CSMD2: variants seen among roughly 807,000 people sequenced by gnomAD.
The protein encoded by CSMD2 is CUB and sushi domain-containing protein 2.
A neutral mutation model predicts 398.5 loss-of-function variants in CSMD2; 130 were observed. The ratio of observed to expected loss-of-function variants is 0.33; its 90% CI spans 0.28 to 0.38. CSMD2 has a LOEUF of 0.38. Ranked by LOEUF, CSMD2 falls within the 10% of genes least tolerant of loss-of-function variation. The probability of loss-of-function intolerance (pLI) is 1.00; values close to 1 mark genes in which losing one functional copy is unlikely to be tolerated. For missense variants in CSMD2, 3,829 were observed against 4,764.9 expected, an observed-to-expected ratio of 0.80 and a Z score of 5.78; for synonymous variants, 1,828 against 1,908.5, an observed-to-expected ratio of 0.96 and a Z score of 1.10.
rs140182604 is a variant in CSMD2, at chr1:33,714,633, C to A, written c.3360G>T (p.Leu1120=). Residue 1120 remains leucine, a synonymous_variant, in exon 21 of 71, where the codon CTG becomes CTT. Coordinates refer to ENST00000373381, the MANE Select transcript of CSMD2 (RefSeq NM_001281956.2). ...AGCTCCACAGGCGCCGTCTGCCCCC[C>A]AGGCACGTGATGCGGGCGGTGCCCT... ...RLEGTARITC[L]GGRRRLWSSP... 1.2e-6 allele frequency: 2 copies of A among 1,613,870 alleles called. No individual in the cohort carries two copies. Among genetic ancestry groups the A allele is most frequent in the Non-Finnish European group, 1.7e-6 (2 of 1,180,044 alleles).
At chr1:33,685,846 A>T (rs529237223) in intron 25 of CSMD2, among the ~76,000 whole-genome samples, 3 of 151,972 alleles carry the variant, frequency 2.0e-5, no homozygotes, top group Non-Finnish European at 4.4e-5. Context: ...TAGAATGTGA[A>T]CTCTTGGCAG....
At chr1:33,930,888 C>A (rs72894825) in intron 4 of CSMD2, among the ~76,000 whole-genome samples, 4 of 152,204 alleles carry the variant, frequency 2.6e-5, no homozygotes, top group African/African-American at 7.2e-5. Context: ...CTGGCTCCCC[C>A]CTATTCCCAG....
At chr1:33,686,371 T>C (rs1645062967) in intron 25 of CSMD2, among the ~76,000 whole-genome samples, 1 of 152,234 alleles carries the variant, frequency 6.6e-6, no homozygotes, top group Non-Finnish European at 1.5e-5. Flanking sequence ...GAGCAGCTCA[T>C]GGGTCTGCCC....
At chr1:33,572,783 T>G (rs879052222) in intron 49 of CSMD2, 92 bp from the exon 50 acceptor site, 9 of 1,032,854 alleles carry the variant, frequency 8.7e-6, no homozygotes, top group Non-Finnish European at 1.2e-5. Context: ...AAGGTCCTTT[T>G]ATTAGTAAAA....
At chr1:33,620,826 T>C (rs1451938388) in intron 37 of CSMD2, among the ~76,000 whole-genome samples, 1 of 149,636 alleles carries the variant, frequency 6.7e-6, no homozygotes, top group East Asian at 2.0e-4. Context: ...TTTTTTTTTT[T>C]TTTTCCAGGT....
At chr1:33,882,475 A>G (rs12094643) in intron 5 of CSMD2, among the ~76,000 whole-genome samples, 19,910 of 152,252 alleles carry the variant, frequency 0.13, 1,958 homozygotes, top group African/African-American at 0.28. Context: ...GAAATGAAAC[A>G]TATCTACCTT....
intron 21 of CSMD2, 43 bp from the exon 22 acceptor site, chr1:33,709,301 C>G (rs751300153): frequency 1.2e-5 from 19 of 1,558,474 alleles, no homozygotes; most frequent in Non-Finnish European, 1.7e-5. Context: ...CCCCCATCAG[C>G]TGCATCCAGA....
chr1:33,920,602 A>G (rs556970012), intron 4 of CSMD2, among the ~76,000 whole-genome samples: 1 of 150,340 alleles, frequency 6.7e-6, no homozygotes, highest in East Asian at 2.0e-4. Context: ...AGAAGGAGGA[A>G]AGTGGCAGGG....
At chr1:33,654,077 C>G (rs1047520696) in intron 27 of CSMD2, among the ~76,000 whole-genome samples, 8 of 152,102 alleles carry the variant, frequency 5.3e-5, no homozygotes, top group Non-Finnish European at 1.0e-4. Context: ...CAGGTCAGGC[C>G]ATAAGAGCCC....
At chr1:33,886,735 C>T (rs1487583831) in intron 5 of CSMD2, among the ~76,000 whole-genome samples, 1 of 152,230 alleles carries the variant, frequency 6.6e-6, no homozygotes, top group African/African-American at 2.4e-5. Context: ...CCTTGGCAGA[C>T]AGGCCTCGGC....
At chr1:34,057,747 G>A (rs1378645576) in intron 2 of CSMD2, among the ~76,000 whole-genome samples, 1 of 152,088 alleles carries the variant, frequency 6.6e-6, no homozygotes, top group Non-Finnish European at 1.5e-5. Context: ...CCCAGACTCT[G>A]CCTACTGTAG....
chr1:33,877,052 G>A (rs1384696566), intron 5 of CSMD2, among the ~76,000 whole-genome samples: 2 of 152,148 alleles, frequency 1.3e-5, no homozygotes, highest in African/African-American at 2.4e-5. Context: ...AACTAAAGAG[G>A]GTAGGAGAAT....
At chr1:33,866,994 A>G (rs1446402645) in intron 5 of CSMD2, among the ~76,000 whole-genome samples, 1 of 152,214 alleles carries the variant, frequency 6.6e-6, no homozygotes, top group African/African-American at 2.4e-5. Flanking sequence ...CTGTTCCATA[A>G]TCCTTTCCTC....
chr1:34,033,771 A>G (rs1297274613), intron 2 of CSMD2, among the ~76,000 whole-genome samples: 1 of 152,242 alleles, frequency 6.6e-6, no homozygotes, highest in Non-Finnish European at 1.5e-5. Flanking sequence ...ACTGCTATAC[A>G]ATATCTTGAT....
chr1:33,952,234 G>A (rs992221368), intron 3 of CSMD2, among the ~76,000 whole-genome samples: 2 of 152,232 alleles, frequency 1.3e-5, no homozygotes, highest in African/African-American at 2.4e-5. Context: ...GAACAGGACT[G>A]AACAGAGCTG....
intron 24 of CSMD2, among the ~76,000 whole-genome samples, chr1:33,694,721 T>A (rs1645359674): frequency 6.6e-6 from 1 of 152,190 alleles, no homozygotes; most frequent in African/African-American, 2.4e-5. Flanking sequence ...TACAGCAGTG[T>A]GAGAACAGAC....
intron 11 of CSMD2, 25 bp from the exon 12 acceptor site, chr1:33,788,737 G>A (rs771671423): frequency 7.2e-7 from 1 of 1,379,664 alleles, no homozygotes; most frequent in Non-Finnish European, 1.0e-6. Flanking sequence ...ATATTTAGAG[G>A]TGTGCTCTCC....
At chr1:33,927,381 A>G (rs1644163070) in intron 4 of CSMD2, among the ~76,000 whole-genome samples, 1 of 152,218 alleles carries the variant, frequency 6.6e-6, no homozygotes, top group Non-Finnish European at 1.5e-5. Context: ...GAGGGGAAGA[A>G]TGTAGACAGG....
At chr1:34,040,490 T>C (rs1651728497) in intron 2 of CSMD2, among the ~76,000 whole-genome samples, 1 of 152,238 alleles carries the variant, frequency 6.6e-6, no homozygotes, top group Non-Finnish European at 1.5e-5. Context: ...CATTAAGGTC[T>C]CCCTGACTAG....
Sources: gnomAD v4.1 joint callset for allele counts (sites outside exome capture counted in the v4.1 genomes callset) on GRCh38, gnomAD v4.1.1 for gene constraint, MANE v1.5 for transcripts, NCBI Gene and HGNC (gene_info 2026-07-23, HGNC 2026-07-21) for gene names.